Variants in ZNF875 observed in about 807,000 individuals in gnomAD.
ZNF875 encodes zinc finger protein 875.
Under a neutral mutation model 11.2 loss-of-function variants are expected in ZNF875, and 14 were observed. The observed-to-expected ratio is 1.26, with a 90% CI of 0.83 to 1.96. The LOEUF (loss-of-function observed/expected upper bound fraction) is 1.96. Ranked by LOEUF, ZNF875 falls within the 30% of genes most tolerant of loss-of-function variation. The probability of loss-of-function intolerance (pLI) is 0.00; values close to 1 mark genes in which losing one functional copy is unlikely to be tolerated. For synonymous variants in ZNF875, 301 were observed against 281.1 expected, an observed-to-expected ratio of 1.07 and a Z score of -0.71; for missense variants, 752 against 760.4, an observed-to-expected ratio of 0.99 and a Z score of 0.13.
chr19:37,323,207 T>C (rs1205675051), intron 2 of ZNF875, among the ~76,000 whole-genome samples: 1 of 151,900 alleles, frequency 6.6e-6, no homozygotes, highest in Non-Finnish European at 1.5e-5. Flanking sequence ...AGGCTGGAGT[T>C]CTGTGGCACC....
rs1229754375 is a variant in ZNF875 at position 37,362,279 on chromosome 19, C to T, written c.427C>T (p.Gln143Ter). ...CTATCCAGAAGATCAGAAACAACAG[C>T]AGGATCCATTCTGCTTTAGTGGCAA... ...KHYPEDQKQQQDPFCFSGKAE... is the reference protein window; with the variant it reads ...KHYPEDQKQQ The change falls in exon 5 of 5, where the codon CAG becomes TAG. Residue 143 changes from glutamine to a stop codon, truncating the protein, a stop_gained. Coordinates refer to ENST00000392153, the MANE Select transcript of ZNF875 (RefSeq NM_001353803.2). LOFTEE classifies it low-confidence loss of function (END_TRUNC). 1.2e-6 allele frequency: 2 copies of T among 1,614,176 alleles called. No homozygotes were observed.
At chr19:37,354,232 T>G (rs1600165568) in intron 4 of ZNF875, among the ~76,000 whole-genome samples, 1 of 51,882 alleles carries the variant, frequency 1.9e-5, no homozygotes, top group Non-Finnish European at 3.7e-5. Flanking sequence ...CCCCCTCCCC[T>G]CCTCTCCCCT....
At chr19:37,334,984 C>G (rs1599949107) in intron 1 of ZNF875, 185 bp from the exon 2 acceptor site, 2 of 526,102 alleles carry the variant, frequency 3.8e-6, no homozygotes, top group Admixed American at 5.8e-5. Flanking sequence ...CTCCCTGTCC[C>G]GAGCTTGCGG....
Position 37,362,597 on chromosome 19 carries a change from AC to A in ZNF875, c.746del (p.Thr249MetfsTer49), listed in dbSNP as rs2040124794. 1 of 1,613,936 alleles carries A rather than the reference AC, an allele frequency of 6.2e-7. No homozygotes were observed. Among genetic ancestry groups the A allele is most frequent in the African/African-American group, 1.3e-5 (1 of 74,912 alleles). On this transcript the variant is annotated frameshift_variant, in exon 5 of 5. Coordinates refer to ENST00000392153, the MANE Select transcript of ZNF875 (RefSeq NM_001353803.2). LOFTEE classifies it low-confidence loss of function (END_TRUNC). ...CCTCCTTAGCCTCCAGAAGACACAA[AC>A]TGGGGAGACACCTTACATGTACACT... Reference protein sequence around the residue: ...SNLLSLQKTQTGETPYMYTEW... With the variant: ...SNLLSLQKTQXGETPYMYTEW...
chr19:37,323,441 C>G (rs2031875843), intron 2 of ZNF875: 1 of 152,058 alleles, frequency 6.6e-6, no homozygotes, highest in Non-Finnish European at 1.5e-5. Context: ...CAGGTGGGCA[C>G]CTGGCCAAGG....
chr19:37,358,275 A>G (rs548614913), intron 4 of ZNF875, among the ~76,000 whole-genome samples: 1 of 146,012 alleles, frequency 6.8e-6, no homozygotes, highest in East Asian at 2.1e-4. Flanking sequence ...CTCTCTGAGT[A>G]GCTGGAACTA....
At chr19:37,324,224 C>T (rs1397701918) in exon 4 of ZNF875, 3 of 152,198 alleles carry the variant, frequency 2.0e-5, no homozygotes, top group Non-Finnish European at 2.9e-5. Context: ...GCCTGGAACC[C>T]GCCGCAGGGA....
At chr19:37,332,162 A>C (rs1471134023), upstream of ZNF875, among the ~76,000 whole-genome samples, 1 of 149,648 alleles carries the variant, frequency 6.7e-6, no homozygotes, top group Non-Finnish European at 1.5e-5. Flanking sequence ...TGACCCTGAC[A>C]CATCCGCCTC....
chr19:37,330,668 C>T (rs1302279918), upstream of ZNF875, among the ~76,000 whole-genome samples: 1 of 152,094 alleles, frequency 6.6e-6, no homozygotes, highest in East Asian at 1.9e-4. Flanking sequence ...AAAAGTTTTC[C>T]TCCAGCCATG....
At chr19:37,321,259 A>G (rs117210280) in intron 1 of ZNF875, among the ~76,000 whole-genome samples, 2 of 152,298 alleles carry the variant, frequency 1.3e-5, no homozygotes, top group East Asian at 3.9e-4. Flanking sequence ...TGCACTTCAG[A>G]TAAGAGGAAG....
upstream of ZNF875, among the ~76,000 whole-genome samples, chr19:37,330,903 C>G (rs1429655281): frequency 1.3e-5 from 2 of 151,988 alleles, no homozygotes; most frequent in Admixed American, 6.6e-5. Flanking sequence ...GTATATAGAG[C>G]TTGGCTGGGC....
rs1348626137 is a variant in ZNF875 at position 37,334,673 on chromosome 19, G to A, written c.-166G>A. On this transcript the variant is annotated 5_prime_UTR_variant, in exon 1 of 5. Transcript: ENST00000392153. ...CACTTCCGGTCGGTGGCCCAGGCGCGTTAAGCTGGTTGGGACCCGGGAAGG... is the reference window on the plus strand; with the variant it reads ...CACTTCCGGTCGGTGGCCCAGGCGCATTAAGCTGGTTGGGACCCGGGAAGG... 3 of 455,936 alleles carry A rather than the reference G, an allele frequency of 6.6e-6. No individual in the cohort carries two copies. Among genetic ancestry groups the A allele is most frequent in the Non-Finnish European group, 1.3e-5 (3 of 226,800 alleles). 28.2% of individuals were successfully genotyped at this position (455,936 alleles called of 1,614,324 possible). A position where few individuals can be genotyped will look rare whatever the true frequency, so the allele number is the denominator to read the frequency against.
At chr19:37,350,182 G>T (rs1175836524) in intron 4 of ZNF875, among the ~76,000 whole-genome samples, 1 of 143,852 alleles carries the variant, frequency 7.0e-6, no homozygotes, top group Admixed American at 7.1e-5. Flanking sequence ...CGCAATCTCG[G>T]CTCACTGCAA....
intron 2 of ZNF875, chr19:37,337,757 C>CTTTTTTTTTTTTTTTTTTTTTTTT (rs1419403573): frequency 1.3e-5 from 2 of 151,918 alleles, no homozygotes; most frequent in South Asian, 4.2e-4. Context: ...GGAAGCTTTT[C>CTTTTTTTTTTTTTTTTTTTTTTTT]TAAGCCCTGA....
At chr19:37,319,139 C>A (rs2030754207) in intron 1 of ZNF875, among the ~76,000 whole-genome samples, 1 of 150,132 alleles carries the variant, frequency 6.7e-6, no homozygotes, top group Non-Finnish European at 1.5e-5. Context: ...CTCCGCCTCA[C>A]GGGTTCAAGC....
intron 2 of ZNF875, among the ~76,000 whole-genome samples, chr19:37,338,382 C>T (rs1178403498): frequency 2.0e-5 from 3 of 152,106 alleles, no homozygotes; most frequent in African/African-American, 7.2e-5. Flanking sequence ...CTCTGCCTCC[C>T]AAAGTGCTGG....
At chr19:37,358,205 C>T (rs1333999739) in intron 4 of ZNF875, among the ~76,000 whole-genome samples, 1 of 131,996 alleles carries the variant, frequency 7.6e-6, no homozygotes, top group Non-Finnish European at 1.5e-5. Context: ...AGTGCAGTGG[C>T]GCGATCTCGG....
chr19:37,353,459 G>A (rs572487482), intron 4 of ZNF875, among the ~76,000 whole-genome samples: 4 of 152,040 alleles, frequency 2.6e-5, no homozygotes, highest in Non-Finnish European at 5.9e-5. Flanking sequence ...AAGAAATTAA[G>A]GTAAATGTAT....
upstream of ZNF875, chr19:37,315,747 A>G (rs977657980): frequency 1.3e-5 from 2 of 151,966 alleles, no homozygotes; most frequent in African/African-American, 4.8e-5. Context: ...GTTTTTTTCT[A>G]GTGTTTATAG....
Sources: gnomAD v4.1 joint callset for allele counts (sites outside exome capture counted in the v4.1 genomes callset) on GRCh38, gnomAD v4.1.1 for gene constraint, MANE v1.5 for transcripts, NCBI Gene and HGNC (gene_info 2026-07-23, HGNC 2026-07-21) for gene names.